The following ZC3H12B variants were observed in gnomAD, a reference collection of about 807,000 sequenced individuals.
The protein encoded by ZC3H12B is zinc finger CCCH-type containing 12B.
ZC3H12B carries 7 observed loss-of-function variants against 43.9 expected under a neutral mutation model. That is an observed-to-expected ratio of 0.16 (90% confidence interval 0.09 to 0.30). The LOEUF (loss-of-function observed/expected upper bound fraction) is 0.30. ZC3H12B is among the 10% of genes least tolerant of loss of function. ZC3H12B has a pLI of 1.00. For synonymous variants in ZC3H12B, 222 were observed against 241.7 expected, an observed-to-expected ratio of 0.92 and a Z score of 0.76; for missense variants, 475 against 670.2, an observed-to-expected ratio of 0.71 and a Z score of 3.22.
At chrX:65,471,609 C>G (rs776901037) in intron 3 of ZC3H12B, among the ~76,000 whole-genome samples, 13 of 108,831 alleles carry the variant, frequency 1.2e-4, no homozygotes, top group Non-Finnish European at 2.1e-4. Flanking sequence ...CACCACCATG[C>G]CTGGCTAGTT....
At chrX:65,183,951 TG>T in the ZC3H12B span, among the ~76,000 whole-genome samples, 1 of 111,091 alleles carries the variant, frequency 9.0e-6, no homozygotes, top group Admixed American at 9.7e-5. Flanking sequence ...GGGTGGTGTG[TG>T]GGATAATTTT....
the ZC3H12B span, among the ~76,000 whole-genome samples, chrX:65,315,222 G>A: frequency 9.0e-6 from 1 of 110,731 alleles, no homozygotes; most frequent in Non-Finnish European, 1.9e-5. Flanking sequence ...ATTATGATAT[G>A]GATTGATTAA....
At chrX:65,126,050 T>TG in the ZC3H12B span, among the ~76,000 whole-genome samples, 301 of 74,118 alleles carry the variant, frequency 4.1e-3, no homozygotes, top group East Asian at 0.015. Flanking sequence ...TGTGTGTGTG[T>TG]TTTTTTTTTT....
rs1556058082 is a variant in ZC3H12B, at chrX:65,373,971, G to GTA, written n.295+4984_295+4985dup. 7.7e-4 allele frequency among the ~76,000 whole-genome samples: 32 copies of GTA among 41,343 alleles called. 1 individual carries two copies. The highest frequency in any genetic ancestry group is 6.7e-3 in the South Asian group (6 of 900). 35.9% of individuals were successfully genotyped at this position (41,343 alleles called of 115,157 possible). A position where few individuals can be genotyped will look rare whatever the true frequency, so the allele number is the denominator to read the frequency against. On this transcript the variant is annotated intron_variant and non_coding_transcript_variant, in intron 2 of 5. Coordinates refer to the ZC3H12B transcript ENST00000617377. ...GTTATATATATATACTGTATATATA[G>GTA]TATATATATATACTATATATATATA...
At chrX:65,054,817 G>A in the ZC3H12B span, among the ~76,000 whole-genome samples, 66 of 111,155 alleles carry the variant, frequency 5.9e-4, no homozygotes, top group Non-Finnish European at 1.0e-3. Context: ...CTTGTAAGTT[G>A]GATTCCTAGG....
intron 3 of ZC3H12B, among the ~76,000 whole-genome samples, chrX:65,402,205 T>C: frequency 8.9e-6 from 1 of 111,903 alleles, no homozygotes; most frequent in Middle Eastern, 4.6e-3. Flanking sequence ...AAGGTGGTGG[T>C]TGCTACAGAG....
intron 3 of ZC3H12B, among the ~76,000 whole-genome samples, chrX:65,417,852 C>T (rs1338901564): frequency 1.8e-5 from 2 of 112,537 alleles, no homozygotes; most frequent in Admixed American, 1.9e-4. Flanking sequence ...TATTACCCAA[C>T]CAACATTATT....
chrX:65,450,370 C>CAT (rs1186208983), intron 3 of ZC3H12B, among the ~76,000 whole-genome samples: 2 of 68,550 alleles, frequency 2.9e-5, no homozygotes, highest in African/African-American at 1.2e-4. Flanking sequence ...TGTGTATATA[C>CAT]ATATATATAT....
chrX:65,242,943 A>G, the ZC3H12B span, among the ~76,000 whole-genome samples: 1 of 112,316 alleles, frequency 8.9e-6, no homozygotes, highest in Admixed American at 9.4e-5. Context: ...GAAAGAAAAT[A>G]GTCTCCCGTC....
chrX:65,107,408 G>T, the ZC3H12B span, among the ~76,000 whole-genome samples: 5 of 111,357 alleles, frequency 4.5e-5, no homozygotes, highest in Admixed American at 1.9e-4. Flanking sequence ...TCATCAGGTG[G>T]GCACCATTGG....
At chrX:65,106,608 G>T in the ZC3H12B span, among the ~76,000 whole-genome samples, 3 of 110,750 alleles carry the variant, frequency 2.7e-5, no homozygotes, top group African/African-American at 6.6e-5. Context: ...AAACCATTTC[G>T]TATTGGTTCT....
chrX:65,130,185 G>A, the ZC3H12B span, among the ~76,000 whole-genome samples: 1 of 111,125 alleles, frequency 9.0e-6, no homozygotes, highest in Non-Finnish European at 1.9e-5. Context: ...AAGACCATTA[G>A]TCAGTTTTAC....
At chrX:65,064,549 C>T in the ZC3H12B span, among the ~76,000 whole-genome samples, 1 of 111,654 alleles carries the variant, frequency 9.0e-6, no homozygotes, top group African/African-American at 3.3e-5. Flanking sequence ...TTTTGCATTG[C>T]TGAGGAGTGT....
chrX:65,505,120 CT>C (rs1238229050), exon 5 of ZC3H12B: 1 of 111,991 alleles, frequency 8.9e-6, no homozygotes, highest in Non-Finnish European at 1.9e-5. Flanking sequence ...AATGAATTCC[CT>C]TTTTGAATCC....
chrX:65,314,385 G>T, the ZC3H12B span, among the ~76,000 whole-genome samples: 9,234 of 111,232 alleles, frequency 0.083, 1,032 homozygotes, highest in African/African-American at 0.29. Context: ...AAAGATAAAT[G>T]AAACATGTTG....
At chrX:65,439,396 G>A (rs750840059) in intron 3 of ZC3H12B, among the ~76,000 whole-genome samples, 1 of 111,471 alleles carries the variant, frequency 9.0e-6, no homozygotes, top group East Asian at 2.8e-4. Flanking sequence ...ACTGAGAGGT[G>A]CAATTCAATC....
chrX:65,065,067 C>T, the ZC3H12B span, among the ~76,000 whole-genome samples: 2 of 110,769 alleles, frequency 1.8e-5, no homozygotes, highest in Non-Finnish European at 3.8e-5. Context: ...CTGAATACTG[C>T]ACACTGATGG....
chrX:65,261,357 G>T, the ZC3H12B span, among the ~76,000 whole-genome samples: 1 of 111,685 alleles, frequency 9.0e-6, no homozygotes, highest in Non-Finnish European at 1.9e-5. Context: ...CAATTTGTAT[G>T]TCTAGTCATT....
At chrX:65,091,014 T>C in the ZC3H12B span, among the ~76,000 whole-genome samples, 3 of 111,304 alleles carry the variant, frequency 2.7e-5, no homozygotes, top group African/African-American at 6.5e-5. Context: ...TTCTGAGGCT[T>C]TCCCAGAATC....
Sources: gnomAD v4.1 joint callset for allele counts (sites outside exome capture counted in the v4.1 genomes callset) on GRCh38, gnomAD v4.1.1 for gene constraint, MANE v1.5 for transcripts, NCBI Gene and HGNC (gene_info 2026-07-23, HGNC 2026-07-21) for gene names.